Variants in PCDH11X observed in about 807,000 individuals in gnomAD.
The protein encoded by PCDH11X is protocadherin-11 X-linked.
Under a neutral mutation model 53.3 loss-of-function variants are expected in PCDH11X, and 18 were observed. That is an observed-to-expected ratio of 0.34 (90% CI 0.23 to 0.50). The LOEUF (loss-of-function observed/expected upper bound fraction) is 0.50, where lower values mean the gene tolerates loss of function less well. Ranked by LOEUF, PCDH11X falls within the 20% of genes least tolerant of loss-of-function variation. The probability of loss-of-function intolerance (pLI) is 0.98; values close to 1 mark genes in which losing one functional copy is unlikely to be tolerated. For missense variants in PCDH11X, 570 were observed against 1,032.4 expected, an observed-to-expected ratio of 0.55 and a Z score of 6.14; for synonymous variants, 279 against 393.3, an observed-to-expected ratio of 0.71 and a Z score of 3.44.
chrX:92,514,833 G>A, intron 10 of PCDH11X, among the ~76,000 whole-genome samples: 1 of 108,861 alleles, frequency 9.2e-6, no homozygotes, highest in East Asian at 2.9e-4. Flanking sequence ...AGATCACAAG[G>A]TCAGGAGATC....
intron 7 of PCDH11X, among the ~76,000 whole-genome samples, chrX:92,203,530 T>G (rs774613628): frequency 8.9e-6 from 1 of 112,517 alleles, no homozygotes; most frequent in Non-Finnish European, 1.9e-5. Context: ...CGTTTGAAAC[T>G]ATCGTAACCT....
At chrX:91,843,761 A>T (rs2033650248) in intron 5 of PCDH11X, among the ~76,000 whole-genome samples, 1 of 111,224 alleles carries the variant, frequency 9.0e-6, no homozygotes, top group Non-Finnish European at 1.9e-5. Flanking sequence ...ACTCTCATTA[A>T]CTTATGATAT....
chrX:92,605,164 G>A (rs1460129156), intron 10 of PCDH11X, among the ~76,000 whole-genome samples: 2 of 109,158 alleles, frequency 1.8e-5, no homozygotes, highest in African/African-American at 3.4e-5. Flanking sequence ...TATATGGTAG[G>A]CTATAAAAGA....
intron 6 of PCDH11X, among the ~76,000 whole-genome samples, chrX:92,182,499 C>T (rs1017244868): frequency 9.0e-6 from 1 of 110,702 alleles, no homozygotes; most frequent in Admixed American, 9.6e-5. Flanking sequence ...TTGGAAGGGG[C>T]CAGGGGTGGA....
chrX:91,869,708 TC>T lies in PCDH11X; in HGVS notation c.541-7072del, dbSNP rs1220876939. On this transcript the variant is annotated intron_variant, in intron 5 of 10. Transcript: ENST00000682573. Reference sequence around the variant, plus strand: ...TTAAAATTACATGCTTGAAATACAGTCTTTAAAAGGAAATATTTTCAAATAA... The same window carrying T: ...TTAAAATTACATGCTTGAAATACAGTTTTAAAAGGAAATATTTTCAAATAA... Among the ~76,000 whole-genome samples, 3 of 110,879 alleles carry T rather than the reference TC, an allele frequency of 2.7e-5. No homozygotes were observed. The South Asian group carries it at 1.1e-3, about 42-fold the overall frequency.
At chrX:92,151,254 G>A (rs780716576) in intron 6 of PCDH11X, among the ~76,000 whole-genome samples, 1 of 110,147 alleles carries the variant, frequency 9.1e-6, no homozygotes, top group Admixed American at 9.7e-5. Context: ...GTGCAGTGGC[G>A]CCATCTCGGC....
rs1394590269 is a variant in PCDH11X, at chrX:91,878,943, C to A, written c.2703C>A (p.Asn901Lys). ...CAGATGATGTTGACAGTGATGGAAACAGAGTCACACTAGACCTTCCTATTG... is the reference window on the plus strand; with the variant it reads ...CAGATGATGTTGACAGTGATGGAAAAAGAGTCACACTAGACCTTCCTATTG... ...TKADDVDSDG[N>K]RVTLDLPIDL... is the part of the protein sequence containing the mutation. The change falls in exon 6 of 11, where the codon AAC becomes AAA. Residue 901 changes from asparagine (N) to lysine (K), a missense_variant. Coordinates refer to ENST00000682573, the MANE Select transcript of PCDH11X (RefSeq NM_032968.5). The A allele has an allele frequency of 3.3e-6, 4 of 1,209,858 alleles. No individual in the cohort carries two copies. The highest frequency in any genetic ancestry group is 4.5e-6 in the Non-Finnish European group (4 of 895,179).
chrX:92,436,718 A>G (rs2072383412), intron 9 of PCDH11X, among the ~76,000 whole-genome samples: 1 of 111,315 alleles, frequency 9.0e-6, no homozygotes, highest in African/African-American at 3.3e-5. Context: ...ATGCAGGTAC[A>G]GAAAACCAAA....
intron 7 of PCDH11X, among the ~76,000 whole-genome samples, chrX:92,209,618 G>C (rs1423677127): frequency 8.9e-6 from 1 of 111,789 alleles, no homozygotes; most frequent in African/African-American, 3.3e-5. Flanking sequence ...GCTTTTCTAG[G>C]TGCACAGGGC....
chrX:91,799,545 T>G (rs756233074), intron 1 of PCDH11X, among the ~76,000 whole-genome samples: 1 of 112,175 alleles, frequency 8.9e-6, no homozygotes, highest in African/African-American at 3.2e-5. Flanking sequence ...TCTGCAAAAC[T>G]ACTGAGTTTC....
intron 6 of PCDH11X, among the ~76,000 whole-genome samples, chrX:92,008,123 G>A (rs190287802): frequency 9.0e-4 from 100 of 111,365 alleles, no homozygotes; most frequent in African/African-American, 3.1e-3. Context: ...TTAGGGTAGG[G>A]ATGATTCCAA....
chrX:92,561,250 C>A (rs2075126691), intron 10 of PCDH11X, among the ~76,000 whole-genome samples: 1 of 108,042 alleles, frequency 9.3e-6, no homozygotes, highest in African/African-American at 3.4e-5. Flanking sequence ...CATTAATGAA[C>A]TTGTACGAGC....
chrX:92,429,117 A>G (rs2072191797), intron 9 of PCDH11X, among the ~76,000 whole-genome samples: 1 of 111,364 alleles, frequency 9.0e-6, no homozygotes, highest in South Asian at 3.7e-4. Flanking sequence ...GAGCTAGCAT[A>G]AATAGCCGTT....
At chrX:91,976,323 CAG>C (rs1181023611) in intron 6 of PCDH11X, among the ~76,000 whole-genome samples, 1 of 112,382 alleles carries the variant, frequency 8.9e-6, no homozygotes, top group East Asian at 2.8e-4. Flanking sequence ...AAAAATAAAA[CAG>C]ATGTAATTTT....
chrX:92,218,196 C>G (rs903456472), intron 7 of PCDH11X, among the ~76,000 whole-genome samples: 7 of 110,379 alleles, frequency 6.3e-5, no homozygotes, highest in Non-Finnish European at 1.3e-4. Context: ...TAACTAAAAT[C>G]AGAGCAGAAC....
At chrX:91,890,816 A>G (rs926526951) in intron 6 of PCDH11X, among the ~76,000 whole-genome samples, 2 of 111,274 alleles carry the variant, frequency 1.8e-5, no homozygotes, top group Non-Finnish European at 3.8e-5. Flanking sequence ...TCAAATGGCT[A>G]TGGTATGGAT....
chrX:91,902,551 ACT>A (rs1176857536), intron 6 of PCDH11X, among the ~76,000 whole-genome samples: 1 of 104,426 alleles, frequency 9.6e-6, no homozygotes, highest in African/African-American at 3.5e-5. Context: ...ATCATTTTAT[ACT>A]CTCTCTGTTG....
At chrX:91,823,964 G>C (rs1233841359) in intron 4 of PCDH11X, among the ~76,000 whole-genome samples, 3 of 110,376 alleles carry the variant, frequency 2.7e-5, no homozygotes, top group Non-Finnish European at 5.7e-5. Flanking sequence ...GAAATTCTGG[G>C]TTGAAAATTC....
At chrX:92,131,166 T>C (rs1424783474) in intron 6 of PCDH11X, among the ~76,000 whole-genome samples, 1 of 111,639 alleles carries the variant, frequency 9.0e-6, no homozygotes, top group Non-Finnish European at 1.9e-5. Flanking sequence ...TTCTAATGTC[T>C]TAGATTCCAC....
Sources: gnomAD v4.1 joint callset for allele counts (sites outside exome capture counted in the v4.1 genomes callset) on GRCh38, gnomAD v4.1.1 for gene constraint, MANE v1.5 for transcripts, NCBI Gene and HGNC (gene_info 2026-07-23, HGNC 2026-07-21) for gene names.